Variants in ERC2 observed in about 807,000 individuals in gnomAD.
The protein encoded by ERC2 is ERC protein 2.
A neutral mutation model predicts 114.8 loss-of-function variants in ERC2; 42 were observed. The ratio of observed to expected loss-of-function variants is 0.37; its 90% confidence interval spans 0.29 to 0.47. The LOEUF (loss-of-function observed/expected upper bound fraction) is 0.47. Ranked by LOEUF, ERC2 falls within the 20% of genes least tolerant of loss-of-function variation. The pLI, the probability that ERC2 is intolerant of heterozygous loss-of-function variation, is 0.99. For synonymous variants in ERC2, 454 were observed against 425.5 expected (o/e 1.07, Z -0.82); for missense variants, 939 against 1,150.7 (o/e 0.82, Z 2.66).
At chr3:55,950,648 G>A in intron 12 of ERC2, 88 bp from the exon 13 acceptor site, 1 of 1,419,312 alleles carries the variant, frequency 7.0e-7, no homozygotes, top group Non-Finnish European at 9.8e-7. Context: ...CTAAGTATAG[G>A]CTATCTGGAT....
chr3:56,176,983 G>A (rs1418831973), intron 3 of ERC2, among the ~76,000 whole-genome samples: 3 of 152,218 alleles, frequency 2.0e-5, no homozygotes, highest in African/African-American at 7.2e-5. Context: ...CTAGCTAGAA[G>A]TGAAGGACTT....
chr3:55,621,156 C>T (rs193071528), intron 17 of ERC2, among the ~76,000 whole-genome samples: 2 of 152,034 alleles, frequency 1.3e-5, no homozygotes, highest in African/African-American at 2.4e-5. Context: ...CTCTAACTGC[C>T]CCCCCTCCAG....
chr3:55,936,361 A>G (rs987343040), intron 13 of ERC2, among the ~76,000 whole-genome samples: 7 of 135,630 alleles, frequency 5.2e-5, no homozygotes, highest in African/African-American at 1.7e-4. Flanking sequence ...TTGGATACGT[A>G]AGATAGTCCT....
At chr3:55,997,075 G>A (rs191236860) in intron 10 of ERC2, among the ~76,000 whole-genome samples, 101 of 152,274 alleles carry the variant, frequency 6.6e-4, no homozygotes, top group Non-Finnish European at 1.1e-3. Context: ...GTGAAACAAG[G>A]CAGGGAACAT....
chr3:56,375,136 A>T (rs1172875529), intron 2 of ERC2, among the ~76,000 whole-genome samples: 1 of 152,130 alleles, frequency 6.6e-6, no homozygotes, highest in East Asian at 1.9e-4. Context: ...TTACATAGTA[A>T]TCTCTCCCCA....
At chr3:56,460,815 C>T (rs17216601) in intron 1 of ERC2, among the ~76,000 whole-genome samples, 10,995 of 152,170 alleles carry the variant, frequency 0.072, 649 homozygotes, top group East Asian at 0.3. Flanking sequence ...CACAGAGATT[C>T]TATACTTGAA....
At chr3:55,986,566 A>G (rs994994452) in intron 11 of ERC2, among the ~76,000 whole-genome samples, 6 of 152,160 alleles carry the variant, frequency 3.9e-5, no homozygotes, top group African/African-American at 9.7e-5. Context: ...GCACATAGCA[A>G]TGATCAAAGA....
chr3:55,681,880 T>G (rs143875837), intron 17 of ERC2, among the ~76,000 whole-genome samples: 14 of 152,224 alleles, frequency 9.2e-5, no homozygotes, highest in African/African-American at 3.4e-4. Flanking sequence ...TCTCAGGGTG[T>G]CATGAATCTT....
chr3:55,992,047 T>C lies in ERC2; in HGVS notation c.2255+10A>G, dbSNP rs374748921. 6 of 1,610,304 alleles carry C rather than the reference T, an allele frequency of 3.7e-6. No individual in the cohort carries two copies. The highest frequency in any genetic ancestry group is 5.1e-6 in the Non-Finnish European group (6 of 1,178,142). Reference sequence around the variant, plus strand: ...TCACTGCCAACAATTTATATAACTGTAAAATTTACCTCTCCAGTTCTGCGA... The same window carrying C: ...TCACTGCCAACAATTTATATAACTGCAAAATTTACCTCTCCAGTTCTGCGA... On this transcript the variant is annotated intron_variant, in intron 11 of 17. Transcript: ENST00000288221.
chr3:55,993,465 A>G (rs2071236905), intron 10 of ERC2, among the ~76,000 whole-genome samples: 2 of 152,200 alleles, frequency 1.3e-5, no homozygotes, highest in African/African-American at 4.8e-5. Flanking sequence ...TACTAATACT[A>G]CGGTTAGAAG....
chr3:55,557,304 G>A (rs983702670), intron 17 of ERC2, among the ~76,000 whole-genome samples: 5 of 152,150 alleles, frequency 3.3e-5, no homozygotes, highest in Admixed American at 6.5e-5. Context: ...GGCAGACATC[G>A]TGTTGACAGA....
chr3:56,367,264 A>C (rs11130517), intron 2 of ERC2, among the ~76,000 whole-genome samples: 43,278 of 142,918 alleles, frequency 0.3, 6,329 homozygotes, highest in Admixed American at 0.33. Context: ...AATGGGCAGC[A>C]TTTTTTTTTT....
At chr3:55,757,198 T>C (rs1184989886) in intron 14 of ERC2, among the ~76,000 whole-genome samples, 2 of 152,198 alleles carry the variant, frequency 1.3e-5, no homozygotes, top group Non-Finnish European at 2.9e-5. Flanking sequence ...AGAGCTTCTC[T>C]GTTTTGTGAC....
At chr3:55,840,770 C>A (rs573959963) in intron 14 of ERC2, among the ~76,000 whole-genome samples, 2 of 152,208 alleles carry the variant, frequency 1.3e-5, no homozygotes, top group African/African-American at 4.8e-5. Flanking sequence ...ATATGCCAAA[C>A]CTACTGGCAT....
chr3:56,021,729 C>A (rs1219207907), intron 7 of ERC2, among the ~76,000 whole-genome samples: 1 of 152,182 alleles, frequency 6.6e-6, no homozygotes. Context: ...CTCCCACCTT[C>A]CCCACTCAAG....
chr3:56,218,700 T>C (rs186831579), intron 3 of ERC2, among the ~76,000 whole-genome samples: 3 of 152,306 alleles, frequency 2.0e-5, no homozygotes, highest in East Asian at 3.9e-4. Context: ...CGTAGGTTTA[T>C]TGCGGCACTA....
intron 14 of ERC2, among the ~76,000 whole-genome samples, chr3:55,762,728 C>T (rs968974675): frequency 2.0e-5 from 3 of 152,048 alleles, no homozygotes; most frequent in South Asian, 2.1e-4. Flanking sequence ...ATCACAAATA[C>T]GGCAAAAAAG....
intron 14 of ERC2, among the ~76,000 whole-genome samples, chr3:55,747,590 C>T (rs963465317): frequency 3.9e-5 from 6 of 152,212 alleles, no homozygotes; most frequent in South Asian, 2.1e-4. Context: ...ATGGTTAAAA[C>T]GCCACTATGA....
intron 3 of ERC2, among the ~76,000 whole-genome samples, chr3:56,254,850 C>T (rs902207561): frequency 2.0e-5 from 3 of 152,088 alleles, no homozygotes; most frequent in Non-Finnish European, 4.4e-5. Context: ...ACATAAAGAA[C>T]ATTATATCTA....
Sources: gnomAD v4.1 joint callset for allele counts (sites outside exome capture counted in the v4.1 genomes callset) on GRCh38, gnomAD v4.1.1 for gene constraint, MANE v1.5 for transcripts, NCBI Gene and HGNC (gene_info 2026-07-23, HGNC 2026-07-21) for gene names.